Variants in GPD1L observed in about 807,000 individuals in gnomAD.
The protein encoded by GPD1L is glycerol-3-phosphate dehydrogenase 1 like.
In GPD1L, 17 loss-of-function variants were observed where a neutral mutation model predicts 32.9. The ratio of observed to expected loss-of-function variants is 0.52; its 90% CI spans 0.35 to 0.78. The LOEUF is 0.78. Among genes scored for constraint, GPD1L ranks in the 30% least tolerant of loss-of-function variants. The pLI is 0.01. For synonymous variants in GPD1L, 187 were observed against 165.9 expected (o/e 1.13, Z -0.98); for missense variants, 361 against 447.8 (o/e 0.81, Z 1.75).
intron 5 of GPD1L, among the ~76,000 whole-genome samples, chr3:32,153,669 G>A (rs1700950809): frequency 2.0e-5 from 3 of 152,298 alleles, no homozygotes; most frequent in South Asian, 4.2e-4. Context: ...AGGAGGAGTC[G>A]GATGGATTGT....
chr3:32,158,529 G>A (rs1166252970), intron 5 of GPD1L: 2 of 404,212 alleles, frequency 4.9e-6, no homozygotes, highest in Non-Finnish European at 9.3e-6. Context: ...GAATGTTATG[G>A]TTGCATAAAG....
At chr3:32,150,040 G>T (rs1700889694) in intron 5 of GPD1L, among the ~76,000 whole-genome samples, 1 of 151,994 alleles carries the variant, frequency 6.6e-6, no homozygotes, top group Non-Finnish European at 1.5e-5. Context: ...GCATGCACTT[G>T]CGAAAACCAC....
chr3:32,153,888 G>A (rs1454752583), intron 5 of GPD1L, among the ~76,000 whole-genome samples: 1 of 152,220 alleles, frequency 6.6e-6, no homozygotes, highest in Non-Finnish European at 1.5e-5. Context: ...AAGAGTGGAT[G>A]ATTGCCTCTG....
At chr3:32,162,950 G>GT (rs1232509884) in intron 7 of GPD1L, among the ~76,000 whole-genome samples, 1 of 151,974 alleles carries the variant, frequency 6.6e-6, no homozygotes, top group Non-Finnish European at 1.5e-5. Context: ...GTAGAGACTG[G>GT]TTTTTACCAC....
In GPD1L at chr3:32,138,478, A is replaced by G. The variant is rs374241561; in HGVS notation, c.226-109A>G. On this transcript the variant is annotated intron_variant, in intron 2 of 7. Transcript: ENST00000282541. ...CTTGCCTTCCTTGTCTATCTGTGCA[A>G]TGCTCTGCACATAGTAGGCATCTGA... 7.1e-4 allele frequency: 711 copies of G among 996,310 alleles called. 13 individuals are homozygous for G. The South Asian group carries it at 8.7e-3, about 12-fold the overall frequency. The allele number at this position is 996,310 out of a possible 1,614,324, so 61.7% of individuals were successfully genotyped here.
intron 7 of GPD1L, among the ~76,000 whole-genome samples, chr3:32,160,835 G>A (rs538431151): frequency 3.7e-4 from 56 of 152,166 alleles, no homozygotes; most frequent in Non-Finnish European, 6.9e-4. Flanking sequence ...ACTTTCTCTT[G>A]CCGATTTACT....
chr3:32,165,187 T>C (rs1701128284), intron 7 of GPD1L, among the ~76,000 whole-genome samples: 1 of 152,168 alleles, frequency 6.6e-6, no homozygotes, highest in South Asian at 2.1e-4. Context: ...GCCTGGGCGA[T>C]AGAGTGAGAC....
At chr3:32,135,000 G>A (rs1254269948) in intron 2 of GPD1L, among the ~76,000 whole-genome samples, 1 of 152,214 alleles carries the variant, frequency 6.6e-6, no homozygotes, top group African/African-American at 2.4e-5. Context: ...TACATATGGA[G>A]TGACTGAGGT....
In GPD1L at chr3:32,141,150, T is replaced by C. The variant is rs537852945; in HGVS notation, c.505+784T>C. ...ATATGAATCATTTCCCCTTGGCAGC[T>C]TTGTAAAAGGAAGCTCTGAGAGATG... On this transcript the variant is annotated intron_variant, in intron 4 of 7. Transcript: ENST00000282541. Among the ~76,000 whole-genome samples, 12 of 152,356 alleles carry C rather than the reference T, an allele frequency of 7.9e-5. No homozygotes were observed. The South Asian group carries it at 2.5e-3, about 32-fold the overall frequency.
intron 1 of GPD1L, among the ~76,000 whole-genome samples, chr3:32,113,256 T>C (rs1700279826): frequency 6.6e-6 from 1 of 152,102 alleles, no homozygotes; most frequent in Non-Finnish European, 1.5e-5. Flanking sequence ...AATCTTATCT[T>C]TTTTTTTCTT....
chr3:32,113,595 C>G (rs753705865), intron 1 of GPD1L, among the ~76,000 whole-genome samples: 3 of 152,178 alleles, frequency 2.0e-5, no homozygotes, highest in Non-Finnish European at 2.9e-5. Context: ...TAAGGTTATA[C>G]TGGTGACACT....
intron 6 of GPD1L, 68 bp from the exon 7 acceptor site, chr3:32,159,500 T>G: frequency 1.0e-6 from 1 of 987,786 alleles, no homozygotes. Context: ...CACTTAAAAA[T>G]TAAACAAATA....
chr3:32,109,133 A>G (rs1013005001), intron 1 of GPD1L, among the ~76,000 whole-genome samples: 5 of 152,000 alleles, frequency 3.3e-5, no homozygotes, highest in Non-Finnish European at 7.4e-5. Context: ...ACAGGCATGA[A>G]CCACCGTACC....
intron 4 of GPD1L, among the ~76,000 whole-genome samples, chr3:32,144,754 C>T (rs971172795): frequency 6.8e-6 from 1 of 147,572 alleles, no homozygotes; most frequent in Non-Finnish European, 1.5e-5. Context: ...GGCGTGATCT[C>T]GGCTCACAGC....
intron 1 of GPD1L, among the ~76,000 whole-genome samples, chr3:32,121,471 C>CTATATATATATTTCTCTCTATATATATT (rs1700410484): frequency 9.1e-6 from 1 of 110,096 alleles, no homozygotes; most frequent in African/African-American, 4.1e-5. Context: ...ATATATTTCT[C>CTATATATATATTTCTCTCTATATATATT]TCTATATATA....
chr3:32,165,809 A>G lies in GPD1L; in HGVS notation c.960-5A>G, dbSNP rs1701138501. ...CTTTGTCTTTTCACATTTCCTCCCA[A>G]CTAGGTTTCCATTGTTTACTGCAGT... On this transcript the variant is annotated splice_polypyrimidine_tract_variant and splice_region_variant and intron_variant, in intron 7 of 7. Transcript: ENST00000282541. 6.5e-7 allele frequency: 1 copy of G among 1,533,596 alleles called. No homozygotes were observed. The highest frequency in any genetic ancestry group is 9.0e-7 in the Non-Finnish European group (1 of 1,106,748). 95.0% of individuals were successfully genotyped at this position (1,533,596 alleles called of 1,614,324 possible). A position where few individuals can be genotyped will look rare whatever the true frequency, so the allele number is the denominator to read the frequency against.
chr3:32,111,406 C>A (rs1272417202), intron 1 of GPD1L, among the ~76,000 whole-genome samples: 2 of 152,114 alleles, frequency 1.3e-5, no homozygotes, highest in Non-Finnish European at 2.9e-5. Flanking sequence ...AGCTCTGAGG[C>A]CTTGGGAAAA....
intron 2 of GPD1L, among the ~76,000 whole-genome samples, chr3:32,132,306 CATT>C (rs897933412): frequency 7.9e-5 from 12 of 152,222 alleles, no homozygotes; most frequent in African/African-American, 2.9e-4. Flanking sequence ...TAGTGCCTGG[CATT>C]ATTTGTGGTT....
intron 2 of GPD1L, among the ~76,000 whole-genome samples, chr3:32,136,203 G>T (rs1559575702): frequency 6.6e-6 from 1 of 152,142 alleles, no homozygotes; most frequent in Non-Finnish European, 1.5e-5. Context: ...TAGCCCCGTG[G>T]CGTAGGTTCT....
Sources: allele counts gnomAD v4.1 joint callset (sites outside exome capture counted in the v4.1 genomes callset), GRCh38; gene constraint gnomAD v4.1.1; transcripts MANE v1.5; gene names NCBI Gene and HGNC (gene_info 2026-07-23, HGNC 2026-07-21).